PPP1R14C: variants seen among roughly 807,000 people sequenced by gnomAD.
PPP1R14C encodes protein phosphatase 1 regulatory subunit 14C.
PPP1R14C carries 16 observed loss-of-function variants against 20.4 expected under a neutral mutation model. The observed-to-expected ratio is 0.78, with a 90% CI of 0.53 to 1.19. The LOEUF (loss-of-function observed/expected upper bound fraction) is 1.19. Ranked by LOEUF, PPP1R14C falls within the 50% of genes most tolerant of loss-of-function variation. PPP1R14C has a pLI of 0.00. For synonymous variants in PPP1R14C, 91 were observed against 91.0 expected, an observed-to-expected ratio of 1.00 and a Z score of 0.00; for missense variants, 211 against 220.1, an observed-to-expected ratio of 0.96 and a Z score of 0.26.
chr6:150,177,465 C>A (rs1179468058), intron 1 of PPP1R14C, among the ~76,000 whole-genome samples: 1 of 152,152 alleles, frequency 6.6e-6, no homozygotes, highest in Admixed American at 6.5e-5. Context: ...GCAGAGAAGG[C>A]AAGCGAAGGG....
intron 1 of PPP1R14C, among the ~76,000 whole-genome samples, chr6:150,206,877 T>TG (rs1029784770): frequency 1.3e-5 from 2 of 151,908 alleles, no homozygotes; most frequent in South Asian, 2.1e-4. Context: ...TTTTTGTTTT[T>TG]TTTTTGCGAC....
intron 1 of PPP1R14C, among the ~76,000 whole-genome samples, chr6:150,200,931 G>A (rs759203536): frequency 6.6e-6 from 1 of 152,168 alleles, no homozygotes; most frequent in Admixed American, 6.5e-5. Flanking sequence ...GGAGCCGCAT[G>A]TCTGAAGGGC....
Position 150,250,365 on chromosome 6 carries a change from G to A in PPP1R14C, c.*1545G>A, listed in dbSNP as rs1778551264. On this transcript the variant is annotated 3_prime_UTR_variant, in exon 4 of 4. Coordinates refer to ENST00000361131, the MANE Select transcript of PPP1R14C (RefSeq NM_030949.3). ...AAATGGAGCTGCTTACAAGCCTGTTGACATGTGTGGCTTGCACAACACGTT... is the reference window on the plus strand; with the variant it reads ...AAATGGAGCTGCTTACAAGCCTGTTAACATGTGTGGCTTGCACAACACGTT... The A allele has an allele frequency of 6.6e-6, 1 of 152,648 alleles. No individual in the cohort carries two copies. The highest frequency in any genetic ancestry group is 2.4e-5 in the African/African-American group (1 of 41,450). 9.5% of individuals were successfully genotyped at this position (152,648 alleles called of 1,614,324 possible). A position where few individuals can be genotyped will look rare whatever the true frequency, so the allele number is the denominator to read the frequency against.
intron 1 of PPP1R14C, among the ~76,000 whole-genome samples, chr6:150,197,228 G>A (rs1051522145): frequency 6.6e-6 from 1 of 152,200 alleles, no homozygotes; most frequent in Admixed American, 6.5e-5. Flanking sequence ...AAAGAACTAA[G>A]GGAGGAGCCC....
intron 1 of PPP1R14C, among the ~76,000 whole-genome samples, chr6:150,150,558 T>C (rs1777233565): frequency 6.6e-6 from 1 of 152,224 alleles, no homozygotes; most frequent in Non-Finnish European, 1.5e-5. Flanking sequence ...AGTCTCTTTC[T>C]AGATGGAGGG....
At chr6:150,155,141 A>G (rs1318935975) in intron 1 of PPP1R14C, among the ~76,000 whole-genome samples, 1 of 152,210 alleles carries the variant, frequency 6.6e-6, no homozygotes, top group Non-Finnish European at 1.5e-5. Flanking sequence ...GTGAAATTTA[A>G]CAAGGTGAAA....
intron 1 of PPP1R14C, chr6:150,195,101 C>T (rs1204251400): frequency 1.0e-6 from 1 of 983,910 alleles, no homozygotes; most frequent in East Asian, 1.1e-4. Context: ...GAGGAGGTTA[C>T]TCATGCAATT....
chr6:150,193,125 A>G (rs1777765732), intron 1 of PPP1R14C, among the ~76,000 whole-genome samples: 1 of 152,182 alleles, frequency 6.6e-6, no homozygotes, highest in Non-Finnish European at 1.5e-5. Context: ...TTTGATTCAT[A>G]GAGAGAAGGA....
chr6:150,166,149 C>G (rs372244100), intron 1 of PPP1R14C, among the ~76,000 whole-genome samples: 1 of 151,698 alleles, frequency 6.6e-6, no homozygotes, highest in Non-Finnish European at 1.5e-5. Flanking sequence ...GGCGCTATCT[C>G]GGCTCACTGC....
intron 1 of PPP1R14C, among the ~76,000 whole-genome samples, chr6:150,182,986 C>G (rs544367426): frequency 6.6e-6 from 1 of 152,156 alleles, no homozygotes; most frequent in African/African-American, 2.4e-5. Context: ...CATCTACACA[C>G]AGAAAAAGTG....
rs1336273923 is a variant in PPP1R14C, at chr6:150,143,589, G to T, written c.306+91G>T. 1.3e-5 allele frequency: 12 copies of T among 940,222 alleles called. No homozygotes were observed. The South Asian group carries it at 1.9e-4, about 15-fold the overall frequency. 58.2% of individuals were successfully genotyped at this position (940,222 alleles called of 1,614,324 possible). A position where few individuals can be genotyped will look rare whatever the true frequency, so the allele number is the denominator to read the frequency against. On this transcript the variant is annotated intron_variant, in intron 1 of 3. Transcript: ENST00000361131. The surrounding 1 kb of genome is among the most constrained non-coding windows in gnomAD (Gnocchi z 5.6). Reference sequence around the variant, plus strand: ...TTCCCGGGCTCCAGCTCCGGGGCGCGCATGTCCCTGACTCCCGGGGACCAA... The same window carrying T: ...TTCCCGGGCTCCAGCTCCGGGGCGCTCATGTCCCTGACTCCCGGGGACCAA...
chr6:150,243,416 G>A (rs1172477300), intron 3 of PPP1R14C, among the ~76,000 whole-genome samples: 1 of 152,008 alleles, frequency 6.6e-6, no homozygotes, highest in Non-Finnish European at 1.5e-5. Flanking sequence ...GACCTCAGGC[G>A]ATTGAACCAC....
chr6:150,164,671 C>T (rs987186933), intron 1 of PPP1R14C: 3 of 179,810 alleles, frequency 1.7e-5, no homozygotes, highest in Non-Finnish European at 3.7e-5. Context: ...AACATTGGCA[C>T]ATGACCCATC....
rs574548428 is a variant in PPP1R14C, at chr6:150,154,205, T to G, written c.306+10707T>G. On this transcript the variant is annotated intron_variant, in intron 1 of 3. Coordinates refer to ENST00000361131, the MANE Select transcript of PPP1R14C (RefSeq NM_030949.3). ...TAAAAACAACTTACTTATCTTTCAT[T>G]TTAATAGGAAGTCAGATCTTAAGTA... Among the ~76,000 whole-genome samples, 3 of 152,346 alleles carry G rather than the reference T, an allele frequency of 2.0e-5. No homozygotes were observed. In the East Asian group the frequency reaches 5.8e-4, roughly 29 times the overall value.
chr6:150,155,917 C>T (rs1442023200), intron 1 of PPP1R14C, among the ~76,000 whole-genome samples: 4 of 148,636 alleles, frequency 2.7e-5, no homozygotes, highest in African/African-American at 1.0e-4. Context: ...CCCAGCTACT[C>T]AGGAGGCTGA....
chr6:150,199,677 C>A (rs1777852149), intron 1 of PPP1R14C, among the ~76,000 whole-genome samples: 1 of 152,028 alleles, frequency 6.6e-6, no homozygotes. Context: ...CAAGACCAAT[C>A]TGGGCAATAT....
At chr6:150,179,697 A>T (rs1204232524) in intron 1 of PPP1R14C, among the ~76,000 whole-genome samples, 2 of 152,308 alleles carry the variant, frequency 1.3e-5, no homozygotes, top group Non-Finnish European at 1.5e-5. Flanking sequence ...CAGGTGACAT[A>T]AATAACTTTT....
chr6:150,175,865 A>G (rs1023116758), intron 1 of PPP1R14C, among the ~76,000 whole-genome samples: 1 of 152,232 alleles, frequency 6.6e-6, no homozygotes, highest in Admixed American at 6.5e-5. Flanking sequence ...TTGAACCACA[A>G]GCGCAATCTA....
chr6:150,206,624 A>G, intron 1 of PPP1R14C, among the ~76,000 whole-genome samples: 1 of 152,202 alleles, frequency 6.6e-6, no homozygotes, highest in Non-Finnish European at 1.5e-5. Flanking sequence ...GAGGCGTTCT[A>G]CACGGGGCAT....
Sources: gnomAD v4.1 joint callset for allele counts (sites outside exome capture counted in the v4.1 genomes callset) on GRCh38, gnomAD v4.1.1 for gene constraint, Gnocchi (gnomAD v3.1) non-coding constraint, MANE v1.5 for transcripts, NCBI Gene and HGNC (gene_info 2026-07-23, HGNC 2026-07-21) for gene names.